The following NDUFV2 variants were observed in gnomAD, a reference collection of about 807,000 sequenced individuals.
NDUFV2 encodes NADH:ubiquinone oxidoreductase core subunit V2, also known as NADH dehydrogenase [ubiquinone] flavoprotein 2, mitochondrial.
NDUFV2 carries 18 observed loss-of-function variants against 31.6 expected under a neutral mutation model. The ratio of observed to expected loss-of-function variants is 0.57; its 90% CI spans 0.39 to 0.84. The LOEUF (loss-of-function observed/expected upper bound fraction) is 0.84, where lower values mean the gene tolerates loss of function less well. NDUFV2 is among the 40% of genes least tolerant of loss of function. The pLI, the probability that NDUFV2 is intolerant of heterozygous loss-of-function variation, is 0.00. For synonymous variants in NDUFV2, 83 were observed against 99.8 expected (o/e 0.83, Z 1.01); for missense variants, 314 against 303.6 (o/e 1.03, Z -0.26).
rs1050173328 is a variant in NDUFV2, at chr18:9,134,066, A to G, written c.657-120A>G. On this transcript the variant is annotated intron_variant, in intron 7 of 7. Coordinates refer to ENST00000318388, the MANE Select transcript of NDUFV2 (RefSeq NM_021074.5). ...TTGAAATGTTTGAATTAAATAATCT[A>G]TGCTAGTTCTTAGGGTAAAAATAGT... 1.2e-5 allele frequency: 8 copies of G among 690,322 alleles called. No individual in the cohort carries two copies. The African/African-American group carries it at 1.3e-4, about 11-fold the overall frequency. 42.8% of individuals were successfully genotyped at this position (690,322 alleles called of 1,614,324 possible). A position where few individuals can be genotyped will look rare whatever the true frequency, so the allele number is the denominator to read the frequency against.
At chr18:9,131,464 A>G (rs907872328) in intron 7 of NDUFV2, among the ~76,000 whole-genome samples, 10 of 152,236 alleles carry the variant, frequency 6.6e-5, no homozygotes, top group African/African-American at 1.7e-4. Context: ...ATTTTTTAGT[A>G]TGGATTAGTT....
intron 4 of NDUFV2, 127 bp downstream of exon 4, chr18:9,119,717 G>C: frequency 1.3e-6 from 1 of 780,348 alleles, no homozygotes; most frequent in Non-Finnish European, 2.2e-6. Flanking sequence ...TTAGCCATTT[G>C]TATGTTTCCT....
chr18:9,125,667 C>T (rs1295343736), intron 6 of NDUFV2, among the ~76,000 whole-genome samples: 3 of 151,964 alleles, frequency 2.0e-5, no homozygotes, highest in Non-Finnish European at 2.9e-5. Flanking sequence ...ATTATATCAC[C>T]GTTTTCATTC....
intron 1 of NDUFV2, among the ~76,000 whole-genome samples, chr18:9,111,252 C>G (rs889925478): frequency 6.6e-6 from 1 of 152,164 alleles, no homozygotes; most frequent in African/African-American, 2.4e-5. Flanking sequence ...TTTCATAACT[C>G]ATTTAAATTT....
chr18:9,130,391 G>C (rs2078029867), intron 7 of NDUFV2, among the ~76,000 whole-genome samples: 1 of 152,116 alleles, frequency 6.6e-6, no homozygotes, highest in African/African-American at 2.4e-5. Context: ...TTCTGGATTT[G>C]AGCCAAATAC....
intron 1 of NDUFV2, among the ~76,000 whole-genome samples, chr18:9,114,893 C>T (rs2077890444): frequency 6.6e-6 from 1 of 151,940 alleles, no homozygotes; most frequent in Admixed American, 6.5e-5. Flanking sequence ...GCAACATAAG[C>T]CTAAAGAATA....
chr18:9,120,783 C>T (rs533362749), intron 4 of NDUFV2, among the ~76,000 whole-genome samples: 5 of 152,176 alleles, frequency 3.3e-5, no homozygotes, highest in Admixed American at 3.3e-4. Context: ...AGTTACTTAA[C>T]ATTTTTTTAA....
intron 1 of NDUFV2, among the ~76,000 whole-genome samples, chr18:9,105,649 G>C (rs920007165): frequency 6.6e-6 from 1 of 152,170 alleles, no homozygotes; most frequent in Non-Finnish European, 1.5e-5. Context: ...ATGACATCCT[G>C]ATTAAACCCA....
At position 9,102,752 on chromosome 18, in the gene NDUFV2, C is replaced by T. The variant is rs1005439454; in HGVS notation, c.9C>T (p.Phe3=). Residue 3 remains phenylalanine, a synonymous_variant, in exon 1 of 8, where the codon TTC becomes TTT. Transcript: ENST00000318388. MF[F]SAALRARAAG... The stretch of plus-strand genomic sequence containing the variant: ...GAACAGTGTGGCCCGCCATGTTCTT[C>T]TCCGCGGCGCTCCGGGCCCGGGCGG... 6.3e-7 allele frequency: 1 copy of T among 1,587,820 alleles called. No homozygotes were observed. The highest frequency in any genetic ancestry group is 8.6e-7 in the Non-Finnish European group (1 of 1,169,252).
At chr18:9,115,397 C>G (rs1410472676) in intron 1 of NDUFV2, among the ~76,000 whole-genome samples, 5 of 151,942 alleles carry the variant, frequency 3.3e-5, no homozygotes, top group African/African-American at 1.2e-4. Flanking sequence ...ACATAACGTT[C>G]TAGTGTCAGA....
intron 1 of NDUFV2, among the ~76,000 whole-genome samples, chr18:9,111,463 CTG>C (rs2077869579): frequency 6.6e-6 from 1 of 151,840 alleles, no homozygotes; most frequent in Non-Finnish European, 1.5e-5. Flanking sequence ...GAGTCTCACT[CTG>C]TTGCCCAGGC....
chr18:9,128,360 C>A (rs1379133277), intron 7 of NDUFV2, among the ~76,000 whole-genome samples: 1 of 152,182 alleles, frequency 6.6e-6, no homozygotes, highest in Non-Finnish European at 1.5e-5. Context: ...AAAATGAGGT[C>A]AGTTCAGGAT....
intron 5 of NDUFV2, 136 bp from the exon 6 acceptor site, chr18:9,124,738 G>A (rs892242730): frequency 1.8e-5 from 15 of 816,628 alleles, no homozygotes; most frequent in East Asian, 5.7e-5. Context: ...GTGAGCCACC[G>A]CGCCTGGCCT....
chr18:9,114,614 A>G (rs2077888842), intron 1 of NDUFV2, among the ~76,000 whole-genome samples: 1 of 152,180 alleles, frequency 6.6e-6, no homozygotes. Context: ...TGAGGCTTAA[A>G]AAAAAATTAA....
intron 5 of NDUFV2, among the ~76,000 whole-genome samples, chr18:9,123,480 C>T (rs1031305482): frequency 6.6e-6 from 1 of 151,746 alleles, no homozygotes; most frequent in African/African-American, 2.4e-5. Flanking sequence ...TATATGTCTG[C>T]CTCATTTTTT....
At chr18:9,126,705 TAGG>T in intron 6 of NDUFV2, 123 bp from the exon 7 acceptor site, 1 of 790,592 alleles carries the variant, frequency 1.3e-6, no homozygotes. Flanking sequence ...GAGGCTGAGG[TAGG>T]AGGATTGCTT....
intron 1 of NDUFV2, among the ~76,000 whole-genome samples, chr18:9,105,737 T>C (rs1045304905): frequency 7.9e-5 from 12 of 152,190 alleles, no homozygotes; most frequent in Admixed American, 2.0e-4. Flanking sequence ...TGAATACTTA[T>C]CATTTTCATA....
chr18:9,103,036 G>A, intron 1 of NDUFV2: 1 of 491,850 alleles, frequency 2.0e-6, no homozygotes, highest in South Asian at 3.3e-5. Flanking sequence ...CAGAAAAGAG[G>A]GGCTGCTTGG....
intron 1 of NDUFV2, chr18:9,104,916 T>C (rs532924300): frequency 6.7e-7 from 1 of 1,496,322 alleles, no homozygotes; most frequent in Non-Finnish European, 9.0e-7. Context: ...ATTACCATTG[T>C]TAACATTTTG....
Sources: gnomAD v4.1 joint callset for allele counts (sites outside exome capture counted in the v4.1 genomes callset) on GRCh38, gnomAD v4.1.1 for gene constraint, MANE v1.5 for transcripts, NCBI Gene and HGNC (gene_info 2026-07-23, HGNC 2026-07-21) for gene names.